Variants in DOK6 observed in about 807,000 individuals in gnomAD.
DOK6 encodes the protein docking protein 6.
In DOK6, 22 loss-of-function variants were observed where a neutral mutation model predicts 44.0. The observed-to-expected ratio is 0.50, with a 90% CI of 0.36 to 0.71. DOK6 has a LOEUF of 0.71. DOK6 is among the 30% of genes least tolerant of loss of function. DOK6 has a pLI of 0.00. For synonymous variants in DOK6, 166 were observed against 145.5 expected, an observed-to-expected ratio of 1.14 and a Z score of -1.01; for missense variants, 340 against 416.4, an observed-to-expected ratio of 0.82 and a Z score of 1.60.
rs575706677 is a variant in DOK6, at chr18:69,694,054, G to C, written c.410-4350G>C. 5.0e-5 allele frequency among the ~76,000 whole-genome samples: 3 copies of C among 59,996 alleles called. No homozygotes were observed. In the South Asian group the frequency reaches 2.4e-3, roughly 48 times the overall value. 39.4% of individuals were successfully genotyped at this position (59,996 alleles called of 152,430 possible). A position where few individuals can be genotyped will look rare whatever the true frequency, so the allele number is the denominator to read the frequency against. On this transcript the variant is annotated intron_variant, in intron 4 of 7. Transcript: ENST00000382713. ...AGCCTGGGCGACAGAGCGAGACTCC[G>C]TGTCAAAAAAAAAAAAAAAAAAAAA...
chr18:69,633,941 GTA>G (rs1984746531), intron 3 of DOK6, among the ~76,000 whole-genome samples: 1 of 151,906 alleles, frequency 6.6e-6, no homozygotes, highest in Non-Finnish European at 1.5e-5. Context: ...GAACAAGAGA[GTA>G]TAAATATGGA....
chr18:69,435,037 A>AGGAAGGAC (rs1555701500), intron 1 of DOK6, among the ~76,000 whole-genome samples: 2 of 78,314 alleles, frequency 2.6e-5, no homozygotes, highest in Non-Finnish European at 5.6e-5. Context: ...GAAGGAAGGA[A>AGGAAGGAC]GGAAGGAAGG....
intron 7 of DOK6, among the ~76,000 whole-genome samples, chr18:69,771,958 T>C (rs773907854): frequency 3.2e-4 from 48 of 150,678 alleles, no homozygotes; most frequent in Non-Finnish European, 6.3e-4. Context: ...ATATGAAAGA[T>C]TGGTACACTG....
intron 1 of DOK6, among the ~76,000 whole-genome samples, chr18:69,534,330 A>G (rs553946287): frequency 6.6e-6 from 1 of 152,292 alleles, no homozygotes; most frequent in African/African-American, 2.4e-5. Flanking sequence ...CATGAAAGTG[A>G]TAATTGAATA....
chr18:69,404,921 C>T (rs1427439805), intron 1 of DOK6, among the ~76,000 whole-genome samples: 1 of 151,874 alleles, frequency 6.6e-6, no homozygotes, highest in Admixed American at 6.6e-5. Context: ...TTGTGTTAAG[C>T]CTGAATTAGT....
intron 3 of DOK6, among the ~76,000 whole-genome samples, chr18:69,601,458 GTT>G (rs1983871325): frequency 1.3e-5 from 2 of 152,094 alleles, no homozygotes; most frequent in Admixed American, 6.5e-5. Flanking sequence ...CAGTACTTGT[GTT>G]TATATACTAT....
intron 7 of DOK6, among the ~76,000 whole-genome samples, chr18:69,814,878 A>G (rs1303557541): frequency 6.6e-6 from 1 of 152,178 alleles, no homozygotes; most frequent in Admixed American, 6.6e-5. Flanking sequence ...GTGAGTACAC[A>G]GAGCCAAACC....
Position 69,747,536 on chromosome 18 carries a change from G to C in DOK6, c.738+8433G>C, listed in dbSNP as rs1979025472. Among the ~76,000 whole-genome samples the C allele has an allele frequency of 2.6e-5, 4 of 152,036 alleles. No homozygotes were observed. The South Asian group carries it at 8.3e-4, about 31-fold the overall frequency. ...TCCTAGTAACTTAGGTCTTCTCAAG[G>C]GATAAGGGTAGAATGTCCACATTGC... On this transcript the variant is annotated intron_variant, in intron 6 of 7. Transcript: ENST00000382713.
At chr18:69,409,536 G>C (rs1978297833) in intron 1 of DOK6, among the ~76,000 whole-genome samples, 1 of 152,120 alleles carries the variant, frequency 6.6e-6, no homozygotes, top group Non-Finnish European at 1.5e-5. Context: ...TGCTATCTTT[G>C]CTGAGTGGAT....
intron 4 of DOK6, among the ~76,000 whole-genome samples, chr18:69,684,220 A>G (rs1986101654): frequency 1.3e-5 from 2 of 152,228 alleles, no homozygotes; most frequent in Admixed American, 6.5e-5. Context: ...TTGGTCTTCA[A>G]TACACACTAC....
At chr18:69,494,928 C>T (rs1315967347) in intron 1 of DOK6, among the ~76,000 whole-genome samples, 1 of 152,202 alleles carries the variant, frequency 6.6e-6, no homozygotes. Context: ...GCTTGGCAGG[C>T]TCTACTCGGC....
At chr18:69,550,757 TTTG>T (rs371248828) in intron 1 of DOK6, among the ~76,000 whole-genome samples, 88 of 149,636 alleles carry the variant, frequency 5.9e-4, no homozygotes, top group African/African-American at 1.0e-3. Context: ...ATTTGTTTGT[TTTG>T]TTGTTGTTGT....
intron 1 of DOK6, among the ~76,000 whole-genome samples, chr18:69,457,546 A>G (rs992729315): frequency 6.6e-6 from 1 of 152,180 alleles, no homozygotes; most frequent in African/African-American, 2.4e-5. Flanking sequence ...GTCCTATAGT[A>G]TAGTCTGAAG....
intron 1 of DOK6, among the ~76,000 whole-genome samples, chr18:69,433,230 T>C (rs142711499): frequency 6.6e-6 from 1 of 152,322 alleles, no homozygotes; most frequent in Admixed American, 6.5e-5. Context: ...ATTTTATTTA[T>C]TAGTGCTAAT....
At chr18:69,557,184 T>C (rs1982707505) in intron 1 of DOK6, among the ~76,000 whole-genome samples, 3 of 152,174 alleles carry the variant, frequency 2.0e-5, no homozygotes, top group Non-Finnish European at 4.4e-5. Flanking sequence ...AGGAACAAAC[T>C]TTCTAACACC....
chr18:69,596,066 AT>A (rs1261203358), intron 2 of DOK6, among the ~76,000 whole-genome samples: 4 of 152,202 alleles, frequency 2.6e-5, no homozygotes, highest in African/African-American at 9.6e-5. Context: ...TTGAGAGAAA[AT>A]GATAGGTATA....
At chr18:69,815,808 T>C (rs1981382893) in intron 7 of DOK6, among the ~76,000 whole-genome samples, 5 of 152,176 alleles carry the variant, frequency 3.3e-5, no homozygotes, top group Admixed American at 3.3e-4. Flanking sequence ...TATGTATATA[T>C]ACAAACATAT....
chr18:69,732,527 A>G (rs1037999926), intron 5 of DOK6, among the ~76,000 whole-genome samples: 2 of 152,214 alleles, frequency 1.3e-5, no homozygotes, highest in African/African-American at 4.8e-5. Context: ...AAGATTTACT[A>G]AAGCCAAACT....
At chr18:69,657,904 T>G (rs1312388293) in intron 3 of DOK6, among the ~76,000 whole-genome samples, 2 of 151,956 alleles carry the variant, frequency 1.3e-5, no homozygotes, top group Non-Finnish European at 2.9e-5. Flanking sequence ...TGGGTGGTTG[T>G]TTGGTTTTGG....
Sources: allele counts gnomAD v4.1 joint callset (sites outside exome capture counted in the v4.1 genomes callset), GRCh38; gene constraint gnomAD v4.1.1; transcripts MANE v1.5; gene names NCBI Gene and HGNC (gene_info 2026-07-23, HGNC 2026-07-21).